Variants in PLIN3 observed in about 807,000 individuals in gnomAD.
PLIN3 encodes the protein perilipin 3, also known as perilipin-3.
A neutral mutation model predicts 35.9 loss-of-function variants in PLIN3; 30 were observed. That is an observed-to-expected ratio of 0.84 (90% CI 0.62 to 1.13). The LOEUF (loss-of-function observed/expected upper bound fraction) is 1.13. Among genes scored for constraint, PLIN3 ranks in the 50% most tolerant of loss-of-function variants. The pLI, the probability that PLIN3 is intolerant of heterozygous loss-of-function variation, is 0.00. For synonymous variants in PLIN3, 261 were observed against 262.5 expected, an observed-to-expected ratio of 0.99 and a Z score of 0.06; for missense variants, 603 against 596.9, an observed-to-expected ratio of 1.01 and a Z score of -0.11.
At chr19:4,841,341 C>T (rs2029887854) in intron 7 of PLIN3, among the ~76,000 whole-genome samples, 1 of 152,134 alleles carries the variant, frequency 6.6e-6, no homozygotes, top group Non-Finnish European at 1.5e-5. Flanking sequence ...ACGTCACGCT[C>T]AGCGCGAGAA....
At chr19:4,843,416 G>C (rs181495134) in intron 7 of PLIN3, among the ~76,000 whole-genome samples, 57 of 151,772 alleles carry the variant, frequency 3.8e-4, no homozygotes, top group Non-Finnish European at 6.6e-4. Context: ...GCTGAGGCAG[G>C]AGAATGGCGT....
At chr19:4,858,476 C>T (rs1203333433) in intron 4 of PLIN3, among the ~76,000 whole-genome samples, 3 of 151,074 alleles carry the variant, frequency 2.0e-5, no homozygotes, top group Non-Finnish European at 4.4e-5. Context: ...CTCCTGGGTT[C>T]AAGTGATTCT....
intron 7 of PLIN3, among the ~76,000 whole-genome samples, chr19:4,840,600 T>A (rs938189597): frequency 6.6e-6 from 1 of 152,042 alleles, no homozygotes; most frequent in Non-Finnish European, 1.5e-5. Flanking sequence ...AAAGAAGATA[T>A]AGGGAGAGCA....
At chr19:4,846,068 G>T (rs919737231) in intron 6 of PLIN3, among the ~76,000 whole-genome samples, 3 of 150,166 alleles carry the variant, frequency 2.0e-5, no homozygotes, top group African/African-American at 7.3e-5. Context: ...ACTAAAAATA[G>T]AAAAGAAAAT....
chr19:4,864,307 G>A (rs1419760349), intron 1 of PLIN3, among the ~76,000 whole-genome samples: 1 of 151,624 alleles, frequency 6.6e-6, no homozygotes, highest in Non-Finnish European at 1.5e-5. Flanking sequence ...TGTGCACCAC[G>A]TCTGGCTAAT....
At chr19:4,848,809 GTGAGCCAAGA>G (rs953289274) in intron 5 of PLIN3, among the ~76,000 whole-genome samples, 112 of 152,090 alleles carry the variant, frequency 7.4e-4, no homozygotes, top group African/African-American at 2.6e-3. Context: ...GGAGGCTGCA[GTGAGCCAAGA>G]TCACACCACT....
intron 4 of PLIN3, 93 bp from the exon 5 acceptor site, chr19:4,852,394 G>C: frequency 6.8e-7 from 1 of 1,461,540 alleles, no homozygotes; most frequent in South Asian, 1.3e-5. Flanking sequence ...CCGAGGCGGG[G>C]AGCGCCATCC....
intron 5 of PLIN3, among the ~76,000 whole-genome samples, chr19:4,848,222 G>A (rs2030172828): frequency 1.3e-5 from 2 of 152,138 alleles, no homozygotes; most frequent in Non-Finnish European, 2.9e-5. Context: ...GATCTCCAGT[G>A]ATTCATCCGA....
chr19:4,843,510 A>AAAAAAATAAATAAAT, intron 7 of PLIN3, among the ~76,000 whole-genome samples: 1 of 139,442 alleles, frequency 7.2e-6, no homozygotes. Flanking sequence ...TCCATCTCAA[A>AAAAAAATAAATAAAT]AAATAAATAA....
chr19:4,850,299 T>C (rs1367984117), intron 5 of PLIN3, among the ~76,000 whole-genome samples: 2 of 149,466 alleles, frequency 1.3e-5, no homozygotes, highest in African/African-American at 4.9e-5. Flanking sequence ...TTTTTTGAGA[T>C]GGAGTCTCAC....
At chr19:4,851,551 T>C (rs1412086621) in intron 5 of PLIN3, among the ~76,000 whole-genome samples, 1 of 152,050 alleles carries the variant, frequency 6.6e-6, no homozygotes, top group Non-Finnish European at 1.5e-5. Flanking sequence ...TGGAGTGGGA[T>C]GTCTGGCCTG....
intron 6 of PLIN3, 102 bp downstream of exon 6, chr19:4,847,589 C>T: frequency 1.0e-6 from 1 of 985,118 alleles, no homozygotes; most frequent in East Asian, 2.6e-5. Flanking sequence ...AATGGCCCTG[C>T]CAGCCTGCAG....
chr19:4,842,987 G>A (rs549326901), intron 7 of PLIN3, among the ~76,000 whole-genome samples: 45 of 152,188 alleles, frequency 3.0e-4, no homozygotes, highest in African/African-American at 9.9e-4. Flanking sequence ...TTGGGAGGCC[G>A]ATGTGGGCGG....
chr19:4,859,973 C>T lies in PLIN3; in HGVS notation c.118G>A (p.Asp40Asn), dbSNP rs760306528. ...ASMPLISSTC[D>N]MVSAAYASTK... ...GAGGCATAGGCTGCGGACACCATGT[C>T]GCAGGTGGAGCTGATCAGAGGCATG... Residue 40 changes from aspartate to asparagine, a missense_variant, in exon 3 of 8, where the codon GAC becomes AAC. By Grantham distance (23) the Asp-to-Asn change is conservative (BLOSUM62 1). Coordinates refer to ENST00000221957, the MANE Select transcript of PLIN3 (RefSeq NM_005817.5). The T allele has an allele frequency of 3.1e-5, 50 of 1,613,958 alleles. No individual in the cohort carries two copies. The highest frequency in any genetic ancestry group is 4.0e-5 in the Non-Finnish European group (47 of 1,180,032).
At chr19:4,856,953 G>A (rs759600667) in intron 4 of PLIN3, among the ~76,000 whole-genome samples, 2 of 151,954 alleles carry the variant, frequency 1.3e-5, no homozygotes, top group Non-Finnish European at 1.5e-5. Context: ...TGATCTGCAC[G>A]CTTCGGCCTC....
intron 6 of PLIN3, among the ~76,000 whole-genome samples, chr19:4,845,869 A>G (rs2030074962): frequency 6.8e-6 from 1 of 148,082 alleles, no homozygotes; most frequent in South Asian, 2.1e-4. Flanking sequence ...GCTTGCAGTG[A>G]GCAGAGACTG....
At chr19:4,841,937 A>C (rs1295672920) in intron 7 of PLIN3, among the ~76,000 whole-genome samples, 1 of 120,128 alleles carries the variant, frequency 8.3e-6, no homozygotes, top group Non-Finnish European at 1.8e-5. Context: ...GAAAAAAAAA[A>C]GCTGTTAAAA....
In PLIN3 at chr19:4,852,078, G is replaced by A. The variant is rs369269065; in HGVS notation, c.572C>T (p.Thr191Met). ...CCACTCCTCCGACTTCCCCAGCACCGTGTCGACCCCACTCAACACCATCTG... is the reference window on the plus strand; with the variant it reads ...CCACTCCTCCGACTTCCCCAGCACCATGTCGACCCCACTCAACACCATCTG... ...LGQMVLSGVD[T>M]VLGKSEEWAD... The change falls in exon 5 of 8, where the codon ACG (threonine) becomes ATG (methionine). Residue 191 changes from threonine (T) to methionine (M), a missense_variant. Coordinates refer to ENST00000221957, the MANE Select transcript of PLIN3 (RefSeq NM_005817.5). The A allele has an allele frequency of 2.2e-5, 36 of 1,613,878 alleles. No individual in the cohort carries two copies. Among genetic ancestry groups the A allele is most frequent in the South Asian group, 8.8e-5 (8 of 91,078 alleles).
intron 5 of PLIN3, among the ~76,000 whole-genome samples, chr19:4,851,456 T>G (rs2030288046): frequency 6.6e-6 from 1 of 152,064 alleles, no homozygotes. Context: ...AGGGCGAGAC[T>G]CTGTCTCTAA....
Sources: gnomAD v4.1 joint callset for allele counts (sites outside exome capture counted in the v4.1 genomes callset) on GRCh38, gnomAD v4.1.1 for gene constraint, MANE v1.5 for transcripts, NCBI Gene and HGNC (gene_info 2026-07-23, HGNC 2026-07-21) for gene names.